GNAI1: variants seen among roughly 807,000 people sequenced by gnomAD.
GNAI1 encodes G protein subunit alpha i1, also known as guanine nucleotide-binding protein G(i) subunit alpha-1.
A neutral mutation model predicts 38.9 loss-of-function variants in GNAI1; 11 were observed. The observed-to-expected ratio is 0.28, with a 90% CI of 0.18 to 0.47. The LOEUF (loss-of-function observed/expected upper bound fraction) is 0.47. Ranked by LOEUF, GNAI1 falls within the 20% of genes least tolerant of loss-of-function variation. The pLI, the probability that GNAI1 is intolerant of heterozygous loss-of-function variation, is 0.99. For synonymous variants in GNAI1, 166 were observed against 145.1 expected, an observed-to-expected ratio of 1.14 and a Z score of -1.04; for missense variants, 317 against 436.9, an observed-to-expected ratio of 0.73 and a Z score of 2.45.
chr7:80,164,713 C>T (rs1446290132), intron 1 of GNAI1, among the ~76,000 whole-genome samples: 1 of 152,160 alleles, frequency 6.6e-6, no homozygotes, highest in Non-Finnish European at 1.5e-5. Context: ...AATTTTATCA[C>T]TGCCTCTTTT....
chr7:80,212,748 C>T lies in GNAI1; in HGVS notation c.753C>T (p.Asp251=), dbSNP rs1788895878. Residue 251 remains aspartate (D), a synonymous_variant, in exon 7 of 8, where the codon GAC becomes GAT. Transcript: ENST00000649796. Reference sequence around the variant, plus strand: ...TGCATGAAAGCATGAAATTGTTTGACAGCATATGTAACAACAAGTGGTTTA... The same window carrying T: ...TGCATGAAAGCATGAAATTGTTTGATAGCATATGTAACAACAAGTGGTTTA... ...NRMHESMKLF[D]SICNNKWFTD... is the part of the protein sequence containing the mutation. 2 of 1,547,144 alleles carry T rather than the reference C, an allele frequency of 1.3e-6. No homozygotes were observed. The highest frequency in any genetic ancestry group is 1.7e-6 in the Non-Finnish European group (2 of 1,154,040).
intron 1 of GNAI1, among the ~76,000 whole-genome samples, chr7:80,140,486 A>T (rs1333271955): frequency 6.6e-6 from 1 of 152,196 alleles, no homozygotes; most frequent in Non-Finnish European, 1.5e-5. Context: ...TTCTGTGTAC[A>T]ACAAATTCAC....
intron 1 of GNAI1, chr7:80,187,186 GGTGTGTGTGTGTGTGTGTGTCTTTGT>G (rs200242454): frequency 6.0e-4 from 86 of 142,166 alleles, no homozygotes; most frequent in East Asian, 1.4e-3. Context: ...TGATGATTTG[GGTGTGTGTGTGTGTGTGTGTCTTTGT>G]GTGTGTGTGT....
chr7:80,199,897 T>A (rs888225741), intron 4 of GNAI1, among the ~76,000 whole-genome samples: 2 of 152,194 alleles, frequency 1.3e-5, no homozygotes, highest in African/African-American at 4.8e-5. Flanking sequence ...TTGTCAGTTG[T>A]GTGTGTGCCC....
intron 1 of GNAI1, among the ~76,000 whole-genome samples, chr7:80,159,148 T>C (rs761328505): frequency 6.6e-6 from 1 of 152,174 alleles, no homozygotes; most frequent in Non-Finnish European, 1.5e-5. Flanking sequence ...TGCTGCTGGC[T>C]CAAGTTCTGG....
rs574119146 is a variant in GNAI1 at position 80,188,857 on chromosome 7, T to G, written c.119-94T>G. On this transcript the variant is annotated intron_variant, in intron 1 of 7. Transcript: ENST00000649796. ...GGTAGACACACAGAGAGAGACTGGG[T>G]GTGTGTGTGTGTGTGTGTGTTTGTG... 1.6e-3 allele frequency: 504 copies of G among 313,562 alleles called. 1 individual carries two copies. The highest frequency in any genetic ancestry group is 2.8e-3 in the African/African-American group (128 of 45,938). 19.4% of individuals were successfully genotyped at this position (313,562 alleles called of 1,614,324 possible).
chr7:80,216,892 A>G (rs1414559375), intron 7 of GNAI1, among the ~76,000 whole-genome samples: 4 of 152,158 alleles, frequency 2.6e-5, no homozygotes, highest in African/African-American at 9.7e-5. Flanking sequence ...GGAGGAAAAA[A>G]TACTGATCAG....
At chr7:80,159,869 A>G (rs1384749940) in intron 1 of GNAI1, among the ~76,000 whole-genome samples, 1 of 152,134 alleles carries the variant, frequency 6.6e-6, no homozygotes, top group East Asian at 1.9e-4. Flanking sequence ...ATTGATGGAA[A>G]ACACATCTCA....
At chr7:80,165,017 T>A (rs1343108218) in intron 1 of GNAI1, among the ~76,000 whole-genome samples, 15 of 152,200 alleles carry the variant, frequency 9.9e-5, no homozygotes. Context: ...TCAGACTTTA[T>A]ATGTGAGGAT....
At chr7:80,162,591 G>A (rs780549250) in intron 1 of GNAI1, among the ~76,000 whole-genome samples, 5 of 152,116 alleles carry the variant, frequency 3.3e-5, no homozygotes, top group African/African-American at 7.2e-5. Context: ...TTATATTTTC[G>A]AAGAGAAAGT....
At chr7:80,160,458 G>A (rs1266309047) in intron 1 of GNAI1, among the ~76,000 whole-genome samples, 2 of 151,940 alleles carry the variant, frequency 1.3e-5, no homozygotes, top group Non-Finnish European at 2.9e-5. Context: ...ATGTATTCTG[G>A]TATTTCTGGT....
chr7:80,207,254 A>G (rs1234327403), intron 5 of GNAI1, among the ~76,000 whole-genome samples: 2 of 152,104 alleles, frequency 1.3e-5, no homozygotes, highest in African/African-American at 4.8e-5. Flanking sequence ...TTGGTACTTA[A>G]GGCAGTCTGA....
rs1019316225 is a variant in GNAI1, at chr7:80,219,171, G to A, written c.*1678G>A. The A allele has an allele frequency of 2.0e-5, 3 of 152,434 alleles. No individual in the cohort carries two copies. The highest frequency in any genetic ancestry group is 7.2e-5 in the African/African-American group (3 of 41,390). 9.4% of individuals were successfully genotyped at this position (152,434 alleles called of 1,614,324 possible). A position where few individuals can be genotyped will look rare whatever the true frequency, so the allele number is the denominator to read the frequency against. The stretch of plus-strand genomic sequence containing the variant: ...AAATGTGTTAGTTTAGATTCTTTAT[G>A]TGCCTTTCATGAAAGATATGTTTTC... On this transcript the variant is annotated 3_prime_UTR_variant, in exon 8 of 8. Transcript: ENST00000649796.
chr7:80,137,390 G>T (rs1787441842), intron 1 of GNAI1, among the ~76,000 whole-genome samples: 1 of 123,036 alleles, frequency 8.1e-6, no homozygotes, highest in Admixed American at 1.1e-4. Flanking sequence ...GCCCGATCTC[G>T]GCTCACTGCA....
At chr7:80,180,773 G>C (rs1015505067) in intron 1 of GNAI1, among the ~76,000 whole-genome samples, 6 of 152,098 alleles carry the variant, frequency 3.9e-5, no homozygotes, top group Non-Finnish European at 7.4e-5. Context: ...AGTTGAGCTT[G>C]TGTCCACTTT....
At chr7:80,178,446 G>T (rs1223739980) in intron 1 of GNAI1, among the ~76,000 whole-genome samples, 4 of 152,154 alleles carry the variant, frequency 2.6e-5, no homozygotes, top group Non-Finnish European at 4.4e-5. Flanking sequence ...GTCAGTCAGT[G>T]CAGCAGACTT....
In GNAI1 at chr7:80,224,582, A is replaced by G. The variant is rs1789128759; in HGVS notation, c.*7089A>G. Among the ~76,000 whole-genome samples the G allele has an allele frequency of 2.0e-5, 3 of 152,250 alleles. No individual in the cohort carries two copies. Among genetic ancestry groups the G allele is most frequent in the Non-Finnish European group, 2.9e-5 (2 of 68,052 alleles). Reference sequence around the variant, plus strand: ...GCAGCATGTCCAACAGCATTGCCTGAACAGATGTTAATAAGTATGCATGAT... The same window carrying G: ...GCAGCATGTCCAACAGCATTGCCTGGACAGATGTTAATAAGTATGCATGAT... On this transcript the variant is annotated 3_prime_UTR_variant, in exon 8 of 8. Transcript: ENST00000649796.
rs114920496 is a variant in GNAI1 at position 80,192,105 on chromosome 7, T to C, written c.303+2874T>C. ...AGCATATTAATCCTTCCTTGCATAT[T>C]GCAAACACTTTTGCCTAGCATATTT... On this transcript the variant is annotated intron_variant, in intron 3 of 7. Transcript: ENST00000649796. 2.6e-3 allele frequency among the ~76,000 whole-genome samples: 398 copies of C among 152,362 alleles called. 5 individuals are homozygous for C. Among genetic ancestry groups the C allele is most frequent in the African/African-American group, 9.1e-3 (379 of 41,590 alleles).
intron 1 of GNAI1, among the ~76,000 whole-genome samples, chr7:80,138,500 T>A (rs770783335): frequency 1.6e-4 from 24 of 152,166 alleles, no homozygotes; most frequent in Non-Finnish European, 2.8e-4. Context: ...TAATGAAAGT[T>A]TTTTATATAA....
Sources: gnomAD v4.1 joint callset for allele counts (sites outside exome capture counted in the v4.1 genomes callset) on GRCh38, gnomAD v4.1.1 for gene constraint, MANE v1.5 for transcripts, NCBI Gene and HGNC (gene_info 2026-07-23, HGNC 2026-07-21) for gene names.